The following PKHD1 variants were observed in gnomAD, a reference collection of about 807,000 sequenced individuals.
PKHD1 encodes fibrocystin.
In PKHD1, 291 loss-of-function variants were observed where a neutral mutation model predicts 412.0. The observed-to-expected ratio is 0.71, with a 90% CI of 0.64 to 0.78. The LOEUF (loss-of-function observed/expected upper bound fraction) is 0.78, where lower values mean the gene tolerates loss of function less well. Ranked by LOEUF, PKHD1 falls within the 30% of genes least tolerant of loss-of-function variation. The pLI is 0.00. For synonymous variants in PKHD1, 1,777 were observed against 1,821.5 expected (o/e 0.98, Z 0.62); for missense variants, 4,825 against 4,950.7 (o/e 0.97, Z 0.76).
intron 40 of PKHD1, among the ~76,000 whole-genome samples, chr6:51,907,381 C>A (rs1208864750): frequency 6.6e-6 from 1 of 152,100 alleles, no homozygotes; most frequent in South Asian, 2.1e-4. Context: ...TACTAGGTGC[C>A]CTCACATTGC....
At chr6:51,625,052 T>C (rs988019687) in intron 66 of PKHD1, among the ~76,000 whole-genome samples, 2 of 152,210 alleles carry the variant, frequency 1.3e-5, no homozygotes, top group African/African-American at 4.8e-5. Context: ...ATGTATACTT[T>C]ACTATCTTCT....
At chr6:51,642,588 C>T (rs528903135) in intron 63 of PKHD1, among the ~76,000 whole-genome samples, 108 of 152,186 alleles carry the variant, frequency 7.1e-4, no homozygotes, top group Middle Eastern at 3.4e-3. Flanking sequence ...ACCTGTAATC[C>T]CGACACTTTG....
intron 48 of PKHD1, among the ~76,000 whole-genome samples, chr6:51,860,237 A>C (rs1773969964): frequency 6.6e-6 from 1 of 152,166 alleles, no homozygotes; most frequent in African/African-American, 2.4e-5. Context: ...GCAACTCAAA[A>C]AGCAAAAGAC....
intron 45 of PKHD1, among the ~76,000 whole-genome samples, chr6:51,884,974 G>A (rs886879882): frequency 2.0e-5 from 3 of 152,078 alleles, no homozygotes; most frequent in Non-Finnish European, 4.4e-5. Context: ...ATATTTTTGG[G>A]CTTTCTTCAT....
chr6:51,668,205 A>G (rs1774199370), intron 60 of PKHD1, among the ~76,000 whole-genome samples: 1 of 151,922 alleles, frequency 6.6e-6, no homozygotes, highest in African/African-American at 2.4e-5. Context: ...ATTTGTTTGT[A>G]TCCTCTTTTA....
intron 60 of PKHD1, among the ~76,000 whole-genome samples, chr6:51,675,241 C>T (rs1270316158): frequency 6.6e-6 from 1 of 152,180 alleles, no homozygotes; most frequent in African/African-American, 2.4e-5. Context: ...TGGCAGGAGC[C>T]TGCAGTGACA....
At chr6:51,851,113 T>G (rs1256196666) in intron 49 of PKHD1, among the ~76,000 whole-genome samples, 2 of 152,234 alleles carry the variant, frequency 1.3e-5, no homozygotes, top group African/African-American at 4.8e-5. Context: ...GAAGGGATGT[T>G]GAATTTTATC....
chr6:51,638,361 T>C, intron 64 of PKHD1, among the ~76,000 whole-genome samples: 1 of 152,154 alleles, frequency 6.6e-6, no homozygotes, highest in South Asian at 2.1e-4. Flanking sequence ...AGAGGGTGTT[T>C]TTTTTACATG....
intron 45 of PKHD1, among the ~76,000 whole-genome samples, chr6:51,884,336 A>G (rs968154918): frequency 6.6e-6 from 1 of 152,176 alleles, no homozygotes; most frequent in African/African-American, 2.4e-5. Context: ...GTTTATAGAT[A>G]TATGGGTTTA....
At chr6:52,006,705 TC>T (rs1421515519) in intron 35 of PKHD1, among the ~76,000 whole-genome samples, 3 of 152,144 alleles carry the variant, frequency 2.0e-5, no homozygotes, top group Admixed American at 2.0e-4. Context: ...ATTTTTTATT[TC>T]CGTAGGTTTT....
At chr6:51,714,865 A>G (rs1009738621) in intron 60 of PKHD1, among the ~76,000 whole-genome samples, 1 of 152,152 alleles carries the variant, frequency 6.6e-6, no homozygotes, top group African/African-American at 2.4e-5. Flanking sequence ...CACATTTACC[A>G]ATCTGTTACA....
intron 35 of PKHD1, among the ~76,000 whole-genome samples, chr6:51,978,573 G>A (rs1427628830): frequency 1.3e-5 from 2 of 152,132 alleles, no homozygotes; most frequent in Admixed American, 1.3e-4. Context: ...GGGAAGTTTG[G>A]GGTTCTTTAT....
At position 51,696,338 on chromosome 6, in the gene PKHD1, A is replaced by G. The variant is rs189438120; in HGVS notation, c.10157-36369T>C. 2.0e-3 allele frequency among the ~76,000 whole-genome samples: 310 copies of G among 152,300 alleles called. 1 individual carries two copies. Among genetic ancestry groups the G allele is most frequent in the Non-Finnish European group, 2.7e-3 (187 of 68,026 alleles). On this transcript the variant is annotated intron_variant, in intron 60 of 66. Transcript: ENST00000371117. ...ATAGATACATCAGTGATCCCTGGAA[A>G]GAAGAAAATGGGGCTGAAGCTTCCA...
intron 27 of PKHD1, 88 bp downstream of exon 27, chr6:52,042,771 A>G: frequency 1.7e-6 from 2 of 1,158,890 alleles, no homozygotes; most frequent in Non-Finnish European, 2.6e-6. Context: ...GTGAATATGG[A>G]ATTCATTACA....
chr6:52,041,055 C>A lies in PKHD1; in HGVS notation c.3097+1804G>T, dbSNP rs113408612. ...GACTATGGCCACACAAGAGTCCGTA[C>A]CTTAAAGAAGACAATGCTATCTCAG... On this transcript the variant is annotated intron_variant, in intron 27 of 66. Transcript: ENST00000371117. Among the ~76,000 whole-genome samples the A allele has an allele frequency of 4.5e-3, 692 of 152,230 alleles. 6 individuals are homozygous for A. The highest frequency in any genetic ancestry group is 0.016 in the African/African-American group (651 of 41,550).
intron 63 of PKHD1, among the ~76,000 whole-genome samples, chr6:51,640,539 T>C (rs1819564): frequency 6.6e-6 from 1 of 152,138 alleles, no homozygotes; most frequent in South Asian, 2.1e-4. Flanking sequence ...TCCCTGATCA[T>C]GCTGGTATAA....
intron 60 of PKHD1, chr6:51,739,914 T>C: frequency 2.0e-6 from 1 of 510,464 alleles, no homozygotes; most frequent in Non-Finnish European, 3.9e-6. Context: ...ATGCCATCCA[T>C]TTGTAGTCTG....
intron 14 of PKHD1, 25 bp downstream of exon 14, chr6:52,062,494 G>T: frequency 2.5e-6 from 4 of 1,613,514 alleles, no homozygotes; most frequent in Non-Finnish European, 3.4e-6. Context: ...TTTTGATGTG[G>T]GCTCCCACTT....
chr6:51,779,049 A>G (rs1166895294), intron 53 of PKHD1, among the ~76,000 whole-genome samples: 1 of 152,140 alleles, frequency 6.6e-6, no homozygotes, highest in African/African-American at 2.4e-5. Context: ...TGCTAAAGTA[A>G]TTCTACTTCA....
Sources: gnomAD v4.1 joint callset for allele counts (sites outside exome capture counted in the v4.1 genomes callset) on GRCh38, gnomAD v4.1.1 for gene constraint, MANE v1.5 for transcripts, NCBI Gene and HGNC (gene_info 2026-07-23, HGNC 2026-07-21) for gene names.